Variants in PDZRN3 observed in about 807,000 individuals in gnomAD.
The protein encoded by PDZRN3 is E3 ubiquitin-protein ligase PDZRN3.
Under a neutral mutation model 85.7 loss-of-function variants are expected in PDZRN3, and 38 were observed. That is an observed-to-expected ratio of 0.44 (90% confidence interval 0.34 to 0.58). PDZRN3 has a LOEUF of 0.58. PDZRN3 is among the 20% of genes least tolerant of loss of function. The probability of loss-of-function intolerance (pLI) is 0.01; values close to 1 mark genes in which losing one functional copy is unlikely to be tolerated. For synonymous variants in PDZRN3, 759 were observed against 638.0 expected (o/e 1.19, Z -2.86); for missense variants, 1,629 against 1,506.4 (o/e 1.08, Z -1.35).
intron 3 of PDZRN3, among the ~76,000 whole-genome samples, chr3:73,451,599 C>G (rs1385276049): frequency 2.6e-5 from 4 of 152,080 alleles, no homozygotes; most frequent in African/African-American, 9.7e-5. Flanking sequence ...GAGAAAAATA[C>G]CAAAGCAAAG....
At chr3:73,569,121 C>T (rs1241060938) in intron 3 of PDZRN3, 38 of 1,251,194 alleles carry the variant, frequency 3.0e-5, no homozygotes, top group Non-Finnish European at 4.0e-5. Context: ...TATTCTAAAT[C>T]ACACACCCCT....
chr3:73,395,644 C>G (rs1701620167), intron 5 of PDZRN3, among the ~76,000 whole-genome samples: 1 of 152,216 alleles, frequency 6.6e-6, no homozygotes, highest in African/African-American at 2.4e-5. Flanking sequence ...AACTCTTCAA[C>G]TTACTGGTCC....
At chr3:73,484,372 T>C (rs1703625062) in intron 3 of PDZRN3, among the ~76,000 whole-genome samples, 1 of 151,922 alleles carries the variant, frequency 6.6e-6, no homozygotes, top group Non-Finnish European at 1.5e-5. Context: ...GATTACCCAG[T>C]GTATGCACCA....
chr3:73,580,782 G>C (rs934105794), intron 3 of PDZRN3, among the ~76,000 whole-genome samples: 1 of 152,166 alleles, frequency 6.6e-6, no homozygotes, highest in African/African-American at 2.4e-5. Flanking sequence ...AGTGCATATG[G>C]ACCTTTTCCT....
Position 73,384,772 on chromosome 3 carries a change from G to T in PDZRN3, c.1794C>A (p.Asn598Lys), listed in dbSNP as rs762860114. 1.2e-6 allele frequency: 2 copies of T among 1,613,970 alleles called. No individual in the cohort carries two copies. The highest frequency in any genetic ancestry group is 1.1e-5 in the South Asian group (1 of 91,084). Reference sequence around the variant, plus strand: ...TGAGCTTCCTCTGCCCCGCCAGCGGGTTGGAGGATGCGGTGGCGTCGTCGC... The same window carrying T: ...TGAGCTTCCTCTGCCCCGCCAGCGGTTTGGAGGATGCGGTGGCGTCGTCGC... Reference protein sequence around the residue: ...NNGDDATASSNPLAGQRKLTC... With the variant: ...NNGDDATASSKPLAGQRKLTC... The change falls in exon 10 of 10, where the codon AAC becomes AAA. Residue 598 changes from asparagine to lysine, a missense_variant. Coordinates refer to ENST00000263666, the MANE Select transcript of PDZRN3 (RefSeq NM_015009.3).
Position 73,387,994 on chromosome 3 carries a change from A to T in PDZRN3, c.1492T>A (p.Leu498Met), listed in dbSNP as rs754737204. The T allele has an allele frequency of 6.5e-7, 1 of 1,542,346 alleles. No homozygotes were observed. Among genetic ancestry groups the T allele is most frequent in the Admixed American group, 1.7e-5 (1 of 57,470 alleles). The change falls in exon 8 of 10, where the codon TTG becomes ATG. Residue 498 changes from leucine (L) to methionine (M), a missense_variant. Transcript: ENST00000263666. ...LTSEENKNFS[L>M]LIARPELQLD... The stretch of plus-strand genomic sequence containing the variant: ...TGGAGTTCAGGCCTTGCAATCAGCA[A>T]TGAAAAGTTTTTATTTTCTTCACTG...
At chr3:73,458,222 GA>G (rs1171624035) in intron 3 of PDZRN3, among the ~76,000 whole-genome samples, 9 of 152,072 alleles carry the variant, frequency 5.9e-5, no homozygotes, top group Non-Finnish European at 2.9e-5. Flanking sequence ...CACACAATGA[GA>G]AAACAGGAGG....
chr3:73,523,835 C>G (rs528687416), intron 3 of PDZRN3, among the ~76,000 whole-genome samples: 1 of 152,224 alleles, frequency 6.6e-6, no homozygotes, highest in African/African-American at 2.4e-5. Context: ...TAGGAATGAA[C>G]AGATGCAACT....
chr3:73,412,527 T>C (rs772365563), intron 3 of PDZRN3, among the ~76,000 whole-genome samples: 10 of 152,190 alleles, frequency 6.6e-5, no homozygotes, highest in Middle Eastern at 6.3e-3. Context: ...GGATGCTGCA[T>C]GAAGATGCAG....
At chr3:73,433,648 T>G (rs780357704) in intron 3 of PDZRN3, 2 of 1,534,868 alleles carry the variant, frequency 1.3e-6, no homozygotes, top group South Asian at 2.4e-5. Flanking sequence ...CCTGACAAAC[T>G]TCATAGAGTA....
chr3:73,415,491 G>T (rs1307284909), intron 3 of PDZRN3, among the ~76,000 whole-genome samples: 3 of 152,192 alleles, frequency 2.0e-5, no homozygotes, highest in Non-Finnish European at 4.4e-5. Flanking sequence ...AGCATATTTT[G>T]CTATACAGAT....
chr3:73,502,941 G>C (rs973943701), intron 3 of PDZRN3, among the ~76,000 whole-genome samples: 4 of 152,176 alleles, frequency 2.6e-5, no homozygotes, highest in Admixed American at 2.6e-4. Context: ...ATTTTGATCT[G>C]TTAAGTAAGA....
intron 1 of PDZRN3, chr3:73,621,613 G>A (rs1003374324): frequency 5.9e-5 from 9 of 152,158 alleles, no homozygotes; most frequent in African/African-American, 1.9e-4. Context: ...GGTTAATTTC[G>A]GGGCAAGGAG....
At chr3:73,472,080 G>A (rs1703354259) in intron 3 of PDZRN3, among the ~76,000 whole-genome samples, 1 of 151,376 alleles carries the variant, frequency 6.6e-6, no homozygotes, top group African/African-American at 2.5e-5. Context: ...AAATCTAGGT[G>A]AAAGTTAAAA....
chr3:73,433,968 C>A, intron 3 of PDZRN3: 1 of 1,310,242 alleles, frequency 7.6e-7, no homozygotes, highest in Non-Finnish European at 9.7e-7. Context: ...ACGCACACCA[C>A]TCCCTCCTCT....
intron 3 of PDZRN3, among the ~76,000 whole-genome samples, chr3:73,411,230 C>T (rs967955924): frequency 6.6e-6 from 1 of 152,218 alleles, no homozygotes; most frequent in African/African-American, 2.4e-5. Flanking sequence ...CCAAGTGGCT[C>T]TGGCCAAGCT....
chr3:73,623,817 T>G, intron 1 of PDZRN3: 1 of 332,866 alleles, frequency 3.0e-6, no homozygotes, highest in Non-Finnish European at 5.4e-6. Context: ...TTCTTCATTC[T>G]TATCCTACAC....
At chr3:73,565,117 A>ATTT (rs202184460) in intron 3 of PDZRN3, among the ~76,000 whole-genome samples, 19 of 139,006 alleles carry the variant, frequency 1.4e-4, no homozygotes, top group East Asian at 2.1e-4. Context: ...ATATCCACCA[A>ATTT]TTTTTTTTTT....
rs562547909 is a variant in PDZRN3 at position 73,427,550 on chromosome 3, T to C, written c.919-23155A>G. Reference sequence around the variant, plus strand: ...ACTATTCCATATGTTTCCTTCTGCATGCCATGGCAGGTGGGTGACAGGAAC... The same window carrying C: ...ACTATTCCATATGTTTCCTTCTGCACGCCATGGCAGGTGGGTGACAGGAAC... On this transcript the variant is annotated intron_variant, in intron 3 of 9. Coordinates refer to ENST00000263666, the MANE Select transcript of PDZRN3 (RefSeq NM_015009.3). Among the ~76,000 whole-genome samples the C allele has an allele frequency of 3.3e-5, 5 of 152,264 alleles. No individual in the cohort carries two copies. In the East Asian group the frequency reaches 9.7e-4, roughly 29 times the overall value.
Sources: allele counts gnomAD v4.1 joint callset (sites outside exome capture counted in the v4.1 genomes callset), GRCh38; gene constraint gnomAD v4.1.1; transcripts MANE v1.5; gene names NCBI Gene and HGNC (gene_info 2026-07-23, HGNC 2026-07-21).